NFKB1: variants seen among roughly 807,000 people sequenced by gnomAD.
NFKB1 encodes nuclear factor NF-kappa-B p105 subunit.
NFKB1 carries 9 observed loss-of-function variants against 105.1 expected under a neutral mutation model. That is an observed-to-expected ratio of 0.09 (90% CI 0.05 to 0.15). The LOEUF (loss-of-function observed/expected upper bound fraction) is 0.15, where lower values mean the gene tolerates loss of function less well. Among genes scored for constraint, NFKB1 ranks in the 10% least tolerant of loss-of-function variants. The pLI is 1.00. For missense variants in NFKB1, 830 were observed against 1,203.7 expected, an observed-to-expected ratio of 0.69 and a Z score of 4.59; for synonymous variants, 440 against 442.2, an observed-to-expected ratio of 1.00 and a Z score of 0.06.
At chr4:102,605,883 C>T (rs961992526) in intron 16 of NFKB1, among the ~76,000 whole-genome samples, 1 of 152,186 alleles carries the variant, frequency 6.6e-6, no homozygotes, top group African/African-American at 2.4e-5. Flanking sequence ...TCCATGTCAG[C>T]ATAGAATCAT....
chr4:102,573,338 T>C (rs1343882763), intron 6 of NFKB1, among the ~76,000 whole-genome samples: 1 of 152,206 alleles, frequency 6.6e-6, no homozygotes, highest in Non-Finnish European at 1.5e-5. Context: ...TTGACAGTAT[T>C]ATTCTTTCAC....
chr4:102,591,943 C>G (rs933714691), intron 11 of NFKB1, among the ~76,000 whole-genome samples: 1 of 152,172 alleles, frequency 6.6e-6, no homozygotes, highest in African/African-American at 2.4e-5. Context: ...GGAAGGAGGT[C>G]AAAATATCTA....
chr4:102,603,502 T>C (rs759514807), intron 16 of NFKB1, among the ~76,000 whole-genome samples: 3 of 152,144 alleles, frequency 2.0e-5, no homozygotes, highest in Admixed American at 6.5e-5. Flanking sequence ...CCCTTCTGAT[T>C]TGGGGACTCT....
chr4:102,589,519 A>G (rs369521962), intron 11 of NFKB1, among the ~76,000 whole-genome samples: 1 of 151,982 alleles, frequency 6.6e-6, no homozygotes, highest in East Asian at 1.9e-4. Context: ...GCTTTTAAAC[A>G]ACTATTAAAG....
chr4:102,538,234 T>C (rs1741766392), intron 5 of NFKB1, among the ~76,000 whole-genome samples: 1 of 152,192 alleles, frequency 6.6e-6, no homozygotes, highest in Non-Finnish European at 1.5e-5. Context: ...AATTGGATAC[T>C]TCCTGAAACT....
At chr4:102,604,607 C>CA (rs1037590891) in intron 16 of NFKB1, among the ~76,000 whole-genome samples, 6 of 151,690 alleles carry the variant, frequency 4.0e-5, no homozygotes, top group Non-Finnish European at 8.8e-5. Flanking sequence ...CACAGTTCTA[C>CA]ATATAGCTAG....
At chr4:102,536,074 G>A (rs971376410) in intron 4 of NFKB1, among the ~76,000 whole-genome samples, 1 of 151,968 alleles carries the variant, frequency 6.6e-6, no homozygotes, top group South Asian at 2.1e-4. Flanking sequence ...CTCAAGTTGT[G>A]TTTAAATTAG....
chr4:102,615,583 A>G (rs1179962357), intron 23 of NFKB1, among the ~76,000 whole-genome samples: 1 of 152,248 alleles, frequency 6.6e-6, no homozygotes, highest in African/African-American at 2.4e-5. Flanking sequence ...ATTAAAAAAG[A>G]AAAAAAGCAA....
At chr4:102,514,424 G>A (rs1451358870) in intron 1 of NFKB1, among the ~76,000 whole-genome samples, 1 of 152,120 alleles carries the variant, frequency 6.6e-6, no homozygotes, top group Non-Finnish European at 1.5e-5. Context: ...CTTGCTGGAG[G>A]AAATTTGTCT....
chr4:102,537,132 C>T (rs1455083433), intron 4 of NFKB1, among the ~76,000 whole-genome samples: 1 of 152,016 alleles, frequency 6.6e-6, no homozygotes, highest in Admixed American at 6.6e-5. Context: ...GTTTATCAGC[C>T]CACAGTAGTT....
chr4:102,600,635 G>T (rs1019441036), intron 15 of NFKB1, among the ~76,000 whole-genome samples: 1 of 152,176 alleles, frequency 6.6e-6, no homozygotes, highest in Non-Finnish European at 1.5e-5. Context: ...ACATCAAGGG[G>T]TCAAGACCTG....
intron 6 of NFKB1, among the ~76,000 whole-genome samples, chr4:102,569,445 A>G (rs1724138656): frequency 6.6e-6 from 1 of 152,154 alleles, no homozygotes; most frequent in South Asian, 2.1e-4. Context: ...TATTTATGGT[A>G]TGACATTGAT....
chr4:102,578,986 G>A lies in NFKB1; in HGVS notation c.677G>A (p.Gly226Asp), dbSNP rs1725095259. ...ACAGCTTTTCTTCCGGATAGCACTGGCAGCTTCACAAGGCGCCTGGAACCC... is the reference window on the plus strand; with the variant it reads ...ACAGCTTTTCTTCCGGATAGCACTGACAGCTTCACAAGGCGCCTGGAACCC... ...MFTAFLPDST[G>D]SFTRRLEPVV... The change falls in exon 8 of 24, where the codon GGC becomes GAC. Residue 226 changes from glycine to aspartate, a missense_variant. Physicochemically the swap from Gly to Asp is moderately conservative, Grantham distance 94. Around this residue, in one of 8 missense-constraint regions of NFKB1, gnomAD observed 80 missense variants for 122.6 expected, o/e 0.65. Coordinates refer to ENST00000226574, the MANE Select transcript of NFKB1 (RefSeq NM_003998.4). The A allele has an allele frequency of 6.2e-7, 1 of 1,613,986 alleles. No homozygotes were observed. The highest frequency in any genetic ancestry group is 8.5e-7 in the Non-Finnish European group (1 of 1,179,992).
chr4:102,521,550 G>A (rs148433819), intron 1 of NFKB1, among the ~76,000 whole-genome samples: 1 of 152,190 alleles, frequency 6.6e-6, no homozygotes, highest in African/African-American at 2.4e-5. Context: ...GTTCGAAAAG[G>A]TTTTATTTTT....
chr4:102,542,621 C>T (rs1440585966), intron 5 of NFKB1, among the ~76,000 whole-genome samples: 3 of 152,134 alleles, frequency 2.0e-5, no homozygotes, highest in African/African-American at 4.8e-5. Flanking sequence ...AACTTTCACT[C>T]CCCAAGATGT....
At chr4:102,551,365 T>TGCGCGCGCGCGCGCGC (rs35449997) in intron 5 of NFKB1, among the ~76,000 whole-genome samples, 2 of 127,542 alleles carry the variant, frequency 1.6e-5, no homozygotes, top group South Asian at 2.4e-4. Context: ...TGTGTGTGTG[T>TGCGCGCGCGCGCGCGC]GTGCGCGCGC....
intron 1 of NFKB1, among the ~76,000 whole-genome samples, chr4:102,517,792 A>G (rs1740300075): frequency 1.3e-5 from 2 of 152,228 alleles, no homozygotes; most frequent in Non-Finnish European, 2.9e-5. Flanking sequence ...GAACAAATGT[A>G]CAAGATGGAA....
rs1312917211 is a variant in NFKB1, at chr4:102,537,875, T to G, written c.177T>G (p.Arg59=). ...CTTTGCAGAGAGGATTTCGTTTCCG[T>G]TATGTATGTGAAGGCCCATCCCATG... The part of the protein sequence containing the change: ...EQPKQRGFRF[R]YVCEGPSHGG... Residue 59 remains arginine (R), a synonymous_variant, in exon 5 of 24, where the codon CGT becomes CGG. Transcript: ENST00000226574. 5 of 1,609,674 alleles carry G rather than the reference T, an allele frequency of 3.1e-6. No individual in the cohort carries two copies. In the East Asian group the frequency reaches 1.1e-4, roughly 36 times the overall value.
intron 1 of NFKB1, among the ~76,000 whole-genome samples, chr4:102,506,744 A>G (rs1739440608): frequency 6.6e-6 from 1 of 152,110 alleles, no homozygotes; most frequent in African/African-American, 2.4e-5. Flanking sequence ...GAAAACAACC[A>G]TTTTATTGAG....
Sources: allele counts gnomAD v4.1 joint callset (sites outside exome capture counted in the v4.1 genomes callset), GRCh38; gene constraint gnomAD v4.1.1; regional missense constraint gnomAD v4.1.1; transcripts MANE v1.5; gene names NCBI Gene and HGNC (gene_info 2026-07-23, HGNC 2026-07-21).